Variants in NR5A2 observed in about 807,000 individuals in gnomAD.
NR5A2 encodes nuclear receptor subfamily 5 group A member 2, also known as CYP7A promoter-binding factor.
NR5A2 carries 26 observed loss-of-function variants against 62.7 expected under a neutral mutation model. That is an observed-to-expected ratio of 0.41 (90% CI 0.30 to 0.58). The LOEUF is 0.58. NR5A2 is among the 20% of genes least tolerant of loss of function. The probability of loss-of-function intolerance (pLI) is 0.22; values close to 1 mark genes in which losing one functional copy is unlikely to be tolerated. For missense variants in NR5A2, 541 were observed against 669.1 expected (o/e 0.81, Z 2.11); for synonymous variants, 246 against 241.7 (o/e 1.02, Z -0.16).
At chr1:200,158,484 T>C (rs1207564961) in intron 7 of NR5A2, among the ~76,000 whole-genome samples, 2 of 152,238 alleles carry the variant, frequency 1.3e-5, no homozygotes, top group African/African-American at 4.8e-5. Context: ...AAAAATTGGA[T>C]GTTAAAATTG....
chr1:200,075,736 T>C (rs1663996801), intron 5 of NR5A2, among the ~76,000 whole-genome samples: 1 of 152,204 alleles, frequency 6.6e-6, no homozygotes, highest in African/African-American at 2.4e-5. Flanking sequence ...TCCCAGCAGC[T>C]CTTTGCCCTC....
intron 5 of NR5A2, among the ~76,000 whole-genome samples, chr1:200,070,739 C>T (rs1419125837): frequency 1.3e-5 from 2 of 150,962 alleles, no homozygotes; most frequent in Non-Finnish European, 3.0e-5. Context: ...AAAATCTGTT[C>T]CAACCCCCCA....
chr1:200,079,985 T>A (rs1347149111), intron 5 of NR5A2, among the ~76,000 whole-genome samples: 3 of 152,220 alleles, frequency 2.0e-5, no homozygotes, highest in Non-Finnish European at 4.4e-5. Context: ...ACATAAAAGC[T>A]AGATACTATC....
At chr1:200,171,113 TC>T (rs1235212765) in intron 7 of NR5A2, among the ~76,000 whole-genome samples, 5 of 152,148 alleles carry the variant, frequency 3.3e-5, no homozygotes, top group Admixed American at 3.3e-4. Context: ...AGAGCAATGA[TC>T]CTGGAATGGC....
chr1:200,085,860 A>G (rs1664500565), intron 5 of NR5A2, among the ~76,000 whole-genome samples: 1 of 152,180 alleles, frequency 6.6e-6, no homozygotes, highest in Non-Finnish European at 1.5e-5. Context: ...TCTGCAAAAG[A>G]CCGACACAAT....
chr1:200,167,662 A>G (rs1315527652), intron 7 of NR5A2, among the ~76,000 whole-genome samples: 1 of 152,192 alleles, frequency 6.6e-6, no homozygotes, highest in Non-Finnish European at 1.5e-5. Context: ...ACCATCTGAC[A>G]TGCAGCACTC....
Position 200,175,301 on chromosome 1 carries a change from G to A in NR5A2, c.*1091G>A, listed in dbSNP as rs1183630405. On this transcript the variant is annotated 3_prime_UTR_variant, in exon 8 of 8. Coordinates refer to ENST00000367362, the MANE Select transcript of NR5A2 (RefSeq NM_205860.3). ...CTCAAGGTTCATTCTTGCTGCAATT[G>A]AACATCCTCAAGAGTTGGGATGGAA... 6.6e-6 allele frequency: 1 copy of A among 152,412 alleles called. No homozygotes were observed. Among genetic ancestry groups the A allele is most frequent in the Non-Finnish European group, 1.5e-5 (1 of 68,038 alleles). 9.4% of individuals were successfully genotyped at this position (152,412 alleles called of 1,614,324 possible). A position where few individuals can be genotyped will look rare whatever the true frequency, so the allele number is the denominator to read the frequency against.
At chr1:200,074,831 ACTT>A (rs1663954518) in intron 5 of NR5A2, among the ~76,000 whole-genome samples, 1 of 151,366 alleles carries the variant, frequency 6.6e-6, no homozygotes, top group Non-Finnish European at 1.5e-5. Flanking sequence ...TAAAAAAAAA[ACTT>A]CTCCAAATAT....
intron 7 of NR5A2, among the ~76,000 whole-genome samples, chr1:200,136,946 C>T (rs990532932): frequency 1.3e-5 from 2 of 151,926 alleles, no homozygotes; most frequent in African/African-American, 4.8e-5. Flanking sequence ...TTATGCTGGC[C>T]TACTTACTCT....
At chr1:200,053,524 G>A (rs1662753795) in intron 5 of NR5A2, among the ~76,000 whole-genome samples, 1 of 147,660 alleles carries the variant, frequency 6.8e-6, no homozygotes, top group African/African-American at 2.5e-5. Flanking sequence ...GTTCAAAGAA[G>A]CAGTCCTCTT....
chr1:200,046,197 T>G (rs566675556), intron 4 of NR5A2, among the ~76,000 whole-genome samples: 3 of 152,252 alleles, frequency 2.0e-5, no homozygotes, highest in African/African-American at 7.2e-5. Context: ...AACGAACTAT[T>G]AAATCATTAG....
chr1:200,054,142 A>T (rs1662799920), intron 5 of NR5A2: 1 of 152,230 alleles, frequency 6.6e-6, no homozygotes, highest in Admixed American at 6.5e-5. Flanking sequence ...TGACACAGGC[A>T]TTCATGAAAC....
At chr1:200,072,410 T>A (rs1663778141) in intron 5 of NR5A2, among the ~76,000 whole-genome samples, 1 of 152,210 alleles carries the variant, frequency 6.6e-6, no homozygotes, top group African/African-American at 2.4e-5. Context: ...AAAATTTGAA[T>A]GATTTGAGAA....
At chr1:200,110,164 A>G (rs759805012) in intron 5 of NR5A2, among the ~76,000 whole-genome samples, 15 of 152,230 alleles carry the variant, frequency 9.9e-5, no homozygotes, top group Non-Finnish European at 1.9e-4. Context: ...CATGTTTTGC[A>G]TGTCAAATCT....
At chr1:200,144,335 A>G (rs1348948719) in intron 7 of NR5A2, among the ~76,000 whole-genome samples, 1 of 151,726 alleles carries the variant, frequency 6.6e-6, no homozygotes. Context: ...CTGCCTTTCC[A>G]AGTTTGTGTC....
At chr1:200,060,053 A>G (rs532097792) in intron 5 of NR5A2, among the ~76,000 whole-genome samples, 16 of 152,288 alleles carry the variant, frequency 1.1e-4, no homozygotes, top group African/African-American at 3.6e-4. Flanking sequence ...GGCTAACATC[A>G]GGCAGCCAGT....
intron 7 of NR5A2, among the ~76,000 whole-genome samples, chr1:200,163,513 ACT>A (rs1653754221): frequency 6.7e-6 from 1 of 149,846 alleles, no homozygotes; most frequent in Admixed American, 6.7e-5. Flanking sequence ...ACAAGATCTC[ACT>A]CTGTTTCCCA....
rs1392504708 is a variant in NR5A2, at chr1:200,111,184, T to C, written c.1111-18T>C. On this transcript the variant is annotated intron_variant, in intron 5 of 7. Coordinates refer to ENST00000367362, the MANE Select transcript of NR5A2 (RefSeq NM_205860.3). ...ATTTTTTGTTTTTTTTGTTTGTTTG[T>C]TTCTATTTCTTTTGCAGGTTGATGA... 4 of 1,600,930 alleles carry C rather than the reference T, an allele frequency of 2.5e-6. No homozygotes were observed. Among genetic ancestry groups the C allele is most frequent in the African/African-American group, 2.7e-5 (2 of 73,990 alleles).
At chr1:200,037,237 G>T (rs182421372) in intron 1 of NR5A2, among the ~76,000 whole-genome samples, 13 of 152,252 alleles carry the variant, frequency 8.5e-5, no homozygotes, top group Admixed American at 3.9e-4. Flanking sequence ...GCCAAGGCAG[G>T]GTTTCTTGAT....
Sources: allele counts gnomAD v4.1 joint callset (sites outside exome capture counted in the v4.1 genomes callset), GRCh38; gene constraint gnomAD v4.1.1; transcripts MANE v1.5; gene names NCBI Gene and HGNC (gene_info 2026-07-23, HGNC 2026-07-21).